Variants in PCID2 observed in about 807,000 individuals in gnomAD.
PCID2 encodes PCI domain containing 2.
A neutral mutation model predicts 61.3 loss-of-function variants in PCID2; 41 were observed. The observed-to-expected ratio is 0.67, with a 90% CI of 0.52 to 0.87. The LOEUF (loss-of-function observed/expected upper bound fraction) is 0.87. Among genes scored for constraint, PCID2 ranks in the 40% least tolerant of loss-of-function variants. The probability of loss-of-function intolerance (pLI) is 0.00; values close to 1 mark genes in which losing one functional copy is unlikely to be tolerated. For missense variants in PCID2, 392 were observed against 493.4 expected, an observed-to-expected ratio of 0.79 and a Z score of 1.95; for synonymous variants, 187 against 177.8, an observed-to-expected ratio of 1.05 and a Z score of -0.41.
intron 7 of PCID2, chr13:113,186,626 G>A (rs1048374562): frequency 4.6e-5 from 7 of 151,046 alleles, no homozygotes; most frequent in East Asian, 2.0e-4. Flanking sequence ...GGGGCCCTAC[G>A]GAGTCTCACA....
At chr13:113,193,949 C>T (rs145767284) in intron 6 of PCID2, among the ~76,000 whole-genome samples, 1 of 152,280 alleles carries the variant, frequency 6.6e-6, no homozygotes, top group Non-Finnish European at 1.5e-5. Flanking sequence ...TCCTGGTAAT[C>T]AGTGTCGATT....
chr13:113,167,920 T>C, the PCID2 span, among the ~76,000 whole-genome samples: 1 of 152,224 alleles, frequency 6.6e-6, no homozygotes, highest in Admixed American at 6.5e-5. Flanking sequence ...TCTCCTTTGT[T>C]GGTTTATCAT....
At chr13:113,187,911 A>C (rs746247872) in intron 7 of PCID2, 1 of 152,234 alleles carries the variant, frequency 6.6e-6, no homozygotes, top group Non-Finnish European at 1.5e-5. Flanking sequence ...CTGCCTAATC[A>C]AAGGTCGTGA....
intron 6 of PCID2, among the ~76,000 whole-genome samples, chr13:113,192,809 T>C (rs893178957): frequency 6.6e-6 from 1 of 152,168 alleles, no homozygotes; most frequent in African/African-American, 2.4e-5. Context: ...TGAATGCTTG[T>C]GTCCCCTCCA....
In PCID2 at chr13:113,184,575, C is replaced by G. The variant is rs1190901015; in HGVS notation, c.544-88G>C. Reference sequence around the variant, plus strand: ...TTACTAAGCATGTCTCCTTAAAATGCAAATTACAAAACCTATTATATCATA... The same window carrying G: ...TTACTAAGCATGTCTCCTTAAAATGGAAATTACAAAACCTATTATATCATA... On this transcript the variant is annotated intron_variant, in intron 8 of 13. Coordinates refer to ENST00000337344, the MANE Select transcript of PCID2 (RefSeq NM_001127202.4). The G allele has an allele frequency of 4.0e-6, 3 of 741,146 alleles. No homozygotes were observed. In the African/African-American group the frequency reaches 5.3e-5, roughly 13 times the overall value. The allele number at this position is 741,146 out of a possible 1,614,324, so 45.9% of individuals were successfully genotyped here.
chr13:113,172,914 G>A (rs1399053542), downstream of PCID2, among the ~76,000 whole-genome samples: 5 of 152,208 alleles, frequency 3.3e-5, no homozygotes, highest in African/African-American at 1.2e-4. Context: ...GCCCAGCACT[G>A]TTGTGGCTGG....
intron 1 of PCID2, chr13:113,208,158 G>A (rs2040068966): frequency 1.9e-6 from 3 of 1,596,420 alleles, no homozygotes; most frequent in African/African-American, 2.7e-5. Flanking sequence ...CCACAGCCTC[G>A]CGCTTACTCC....
the PCID2 span, among the ~76,000 whole-genome samples, chr13:113,168,157 A>G: frequency 6.6e-6 from 1 of 152,390 alleles, no homozygotes; most frequent in East Asian, 1.9e-4. Flanking sequence ...TTGTTTAAAC[A>G]GTATCCTGTA....
the PCID2 span, among the ~76,000 whole-genome samples, chr13:113,166,723 T>A: frequency 6.6e-6 from 1 of 152,342 alleles, no homozygotes; most frequent in Non-Finnish European, 1.5e-5. Flanking sequence ...CTAAGACAGT[T>A]CTTCCTATCG....
intron 6 of PCID2, among the ~76,000 whole-genome samples, chr13:113,194,461 G>A (rs978940172): frequency 1.3e-5 from 2 of 152,072 alleles, no homozygotes; most frequent in African/African-American, 2.4e-5. Flanking sequence ...TAGCCATGCC[G>A]GCCTGACAAC....
downstream of PCID2, among the ~76,000 whole-genome samples, chr13:113,174,605 C>T (rs1330420449): frequency 1.3e-5 from 2 of 152,202 alleles, no homozygotes; most frequent in Non-Finnish European, 2.9e-5. Flanking sequence ...ATTGACCCTC[C>T]CACCTCAGCC....
chr13:113,172,090 AC>A, the PCID2 span: 1 of 1,612,788 alleles, frequency 6.2e-7, no homozygotes, highest in African/African-American at 1.3e-5. Flanking sequence ...TCTGGTTTAA[AC>A]AGATCATGAA....
At chr13:113,182,164 A>G (rs1207041250) in intron 9 of PCID2, among the ~76,000 whole-genome samples, 1 of 152,232 alleles carries the variant, frequency 6.6e-6, no homozygotes, top group Non-Finnish European at 1.5e-5. Flanking sequence ...ATGGGTCACC[A>G]GAAGCAGCAG....
chr13:113,198,366 C>A, intron 2 of PCID2, 102 bp from the exon 3 acceptor site: 1 of 733,442 alleles, frequency 1.4e-6, no homozygotes. Context: ...AGAATTTATG[C>A]TTTACAGTTC....
At chr13:113,194,690 C>T (rs1384866864) in intron 6 of PCID2, among the ~76,000 whole-genome samples, 1 of 152,196 alleles carries the variant, frequency 6.6e-6, no homozygotes, top group African/African-American at 2.4e-5. Context: ...GAAGCCCCCT[C>T]CTACTGCCCA....
intron 1 of PCID2, among the ~76,000 whole-genome samples, chr13:113,204,007 G>C (rs4907595): frequency 0.93 from 141,168 of 152,348 alleles, 66,363 homozygotes; most frequent in East Asian, 1. Flanking sequence ...TCAACTAAGG[G>C]GCTTCTGGCT....
chr13:113,205,278 GA>G (rs2039725867), intron 1 of PCID2, among the ~76,000 whole-genome samples: 1 of 152,080 alleles, frequency 6.6e-6, no homozygotes, highest in Admixed American at 6.5e-5. Context: ...ACATAATGAA[GA>G]AAATCTTTGG....
chr13:113,203,657 C>G (rs1202110609), intron 1 of PCID2, among the ~76,000 whole-genome samples: 5 of 152,220 alleles, frequency 3.3e-5, no homozygotes, highest in Non-Finnish European at 7.3e-5. Context: ...CCTGCCCACG[C>G]CCTGCAAGAA....
the PCID2 span, among the ~76,000 whole-genome samples, chr13:113,170,954 A>T: frequency 6.7e-6 from 1 of 150,114 alleles, no homozygotes; most frequent in Non-Finnish European, 1.5e-5. Context: ...ACAGAGTCTC[A>T]CTCAATCCCT....
Sources: gnomAD v4.1 joint callset for allele counts (sites outside exome capture counted in the v4.1 genomes callset) on GRCh38, gnomAD v4.1.1 for gene constraint, MANE v1.5 for transcripts, NCBI Gene and HGNC (gene_info 2026-07-23, HGNC 2026-07-21) for gene names.